The following FAT3 variants were observed in gnomAD, a reference collection of about 807,000 sequenced individuals.
FAT3 encodes the protein FAT atypical cadherin 3.
Under a neutral mutation model 310.2 loss-of-function variants are expected in FAT3, and 95 were observed. That is an observed-to-expected ratio of 0.31 (90% confidence interval 0.26 to 0.36). The LOEUF (loss-of-function observed/expected upper bound fraction) is 0.36. FAT3 is among the 10% of genes least tolerant of loss of function. FAT3 has a pLI of 1.00. For synonymous variants in FAT3, 2,314 were observed against 2,192.9 expected (o/e 1.06, Z -1.54); for missense variants, 5,408 against 5,715.6 (o/e 0.95, Z 1.74).
At chr11:92,623,507 G>A (rs1178553120) in intron 3 of FAT3, among the ~76,000 whole-genome samples, 1 of 152,218 alleles carries the variant, frequency 6.6e-6, no homozygotes, top group Non-Finnish European at 1.5e-5. Context: ...ACTGAAAAGA[G>A]AATGGAAATA....
At chr11:92,584,401 G>A (rs138219745) in intron 3 of FAT3, among the ~76,000 whole-genome samples, 109 of 152,076 alleles carry the variant, frequency 7.2e-4, no homozygotes, top group Non-Finnish European at 1.0e-3. Context: ...GGTTTTCATC[G>A]TACAGAAAGC....
chr11:92,762,362 C>A (rs58068521), intron 5 of FAT3, among the ~76,000 whole-genome samples, 192 bp downstream of exon 5: 4 of 152,114 alleles, frequency 2.6e-5, no homozygotes, highest in African/African-American at 9.7e-5. Flanking sequence ...AATGACGAGA[C>A]AATTTCCTTT....
intron 2 of FAT3, among the ~76,000 whole-genome samples, chr11:92,416,520 C>T (rs370759509): frequency 1.3e-5 from 2 of 152,256 alleles, no homozygotes; most frequent in East Asian, 1.9e-4. Flanking sequence ...GTATTTTACA[C>T]ATTTTTCTCT....
At chr11:92,546,812 G>C (rs1954631833) in intron 3 of FAT3, among the ~76,000 whole-genome samples, 1 of 152,146 alleles carries the variant, frequency 6.6e-6, no homozygotes, top group Admixed American at 6.5e-5. Context: ...CTGAACAGTG[G>C]AAAGATGAAT....
chr11:92,534,121 A>G (rs958008330), intron 3 of FAT3, among the ~76,000 whole-genome samples: 12 of 152,060 alleles, frequency 7.9e-5, no homozygotes, highest in African/African-American at 2.9e-4. Flanking sequence ...ATTGTTAGGG[A>G]GACTCCTAGA....
At chr11:92,682,524 A>C (rs1056872970) in intron 3 of FAT3, among the ~76,000 whole-genome samples, 1 of 152,222 alleles carries the variant, frequency 6.6e-6, no homozygotes. Flanking sequence ...AGCCAACGTA[A>C]TAATCGCTCT....
At chr11:92,235,695 A>T (rs1864389560) in intron 1 of FAT3, among the ~76,000 whole-genome samples, 1 of 152,188 alleles carries the variant, frequency 6.6e-6, no homozygotes, top group Non-Finnish European at 1.5e-5. Context: ...TACTGCAAAG[A>T]TATATTACTT....
At chr11:92,850,793 G>A (rs1047102322) in intron 19 of FAT3, among the ~76,000 whole-genome samples, 2 of 152,190 alleles carry the variant, frequency 1.3e-5, no homozygotes, top group African/African-American at 2.4e-5. Context: ...AGGGGGCTGC[G>A]GGAATGCTGG....
chr11:92,513,599 C>A (rs1176417447), intron 2 of FAT3, among the ~76,000 whole-genome samples: 3 of 152,136 alleles, frequency 2.0e-5, no homozygotes, highest in Non-Finnish European at 4.4e-5. Flanking sequence ...CTATATATTT[C>A]TTTGCACCTT....
At chr11:92,453,159 C>T (rs545445145) in intron 2 of FAT3, among the ~76,000 whole-genome samples, 2 of 152,128 alleles carry the variant, frequency 1.3e-5, no homozygotes, top group African/African-American at 2.4e-5. Flanking sequence ...AAAATAAGTC[C>T]GTATTGAAAG....
chr11:92,700,737 C>A (rs538765873), intron 4 of FAT3, among the ~76,000 whole-genome samples: 1 of 152,270 alleles, frequency 6.6e-6, no homozygotes, highest in South Asian at 2.1e-4. Context: ...TTTAATAAAT[C>A]TGCTAAGGCT....
Position 92,353,943 on chromosome 11 carries a change from G to A in FAT3, c.1831G>A (p.Val611Ile). The A allele has an allele frequency of 6.2e-7, 1 of 1,612,202 alleles. No individual in the cohort carries two copies. Among genetic ancestry groups the A allele is most frequent in the Non-Finnish European group, 8.5e-7 (1 of 1,178,530 alleles). Residue 611 changes from valine to isoleucine, a missense_variant, in exon 2 of 28, where the codon GTA becomes ATA. Val to Ile is a conservative substitution (Grantham distance 29). Around this residue, in one of 5 missense-constraint regions of FAT3, gnomAD observed 4,588 missense variants for 4,809.8 expected, o/e 0.95. Transcript: ENST00000525166. The part of the protein sequence containing the change: ...SAIDIDELEL[V>I]KYKIISGNEL... ...GATCGATATCGATGAACTTGAACTT[G>A]TAAAGTACAAAATCATTTCTGGAAA...
intron 2 of FAT3, among the ~76,000 whole-genome samples, chr11:92,428,429 TA>T (rs891938890): frequency 2.6e-5 from 4 of 152,140 alleles, no homozygotes; most frequent in Non-Finnish European, 5.9e-5. Flanking sequence ...CTAGCTTTTG[TA>T]CTTGTTTGCT....
intron 3 of FAT3, among the ~76,000 whole-genome samples, chr11:92,534,434 A>T (rs1183285482): frequency 6.6e-6 from 1 of 152,216 alleles, no homozygotes; most frequent in African/African-American, 2.4e-5. Flanking sequence ...AACTAAATAA[A>T]TAATTAATGA....
rs904970659 is a variant in FAT3 at position 92,891,212 on chromosome 11, G to A, written c.*99G>A. On this transcript the variant is annotated 3_prime_UTR_variant, in exon 28 of 28. Coordinates refer to ENST00000525166, the MANE Select transcript of FAT3 (RefSeq NM_001367949.2). ...TGGAGCATTGTCTGTGGAATGAGAA[G>A]GGAATACTGTATTTTTCCACTAGAA... 6.9e-7 allele frequency: 1 copy of A among 1,440,694 alleles called. No individual in the cohort carries two copies. The highest frequency in any genetic ancestry group is 9.4e-7 in the Non-Finnish European group (1 of 1,068,098). 89.2% of individuals were successfully genotyped at this position (1,440,694 alleles called of 1,614,324 possible). A position where few individuals can be genotyped will look rare whatever the true frequency, so the allele number is the denominator to read the frequency against.
intron 2 of FAT3, among the ~76,000 whole-genome samples, chr11:92,386,739 G>A (rs1300049697): frequency 6.6e-6 from 1 of 152,174 alleles, no homozygotes; most frequent in Non-Finnish European, 1.5e-5. Context: ...CTCCCCAGGG[G>A]CTGTTTTATT....
rs1404101314 is a variant in FAT3 at position 92,412,730 on chromosome 11, T to TACAC, written c.3292+57327_3292+57328insCACA. On this transcript the variant is annotated intron_variant, in intron 2 of 27. Transcript: ENST00000525166. ...ATATATATATATATATATATATATA[T>TACAC]ATATATATATATATAAATATACATA... 1.9e-3 allele frequency among the ~76,000 whole-genome samples: 43 copies of TACAC among 22,888 alleles called. 6 individuals carry two copies. Among genetic ancestry groups the TACAC allele is most frequent in the South Asian group, 0.012 (6 of 502 alleles). 15.0% of individuals were successfully genotyped at this position (22,888 alleles called of 152,430 possible). A position where few individuals can be genotyped will look rare whatever the true frequency, so the allele number is the denominator to read the frequency against.
intron 13 of FAT3, among the ~76,000 whole-genome samples, chr11:92,825,810 C>T (rs569883785): frequency 6.6e-6 from 1 of 152,114 alleles, no homozygotes; most frequent in South Asian, 2.1e-4. Context: ...AACTCTGCTG[C>T]AGTTTGCAAT....
chr11:92,264,416 T>A (rs1341022261), intron 1 of FAT3, among the ~76,000 whole-genome samples: 2 of 152,188 alleles, frequency 1.3e-5, no homozygotes, highest in South Asian at 2.1e-4. Context: ...TGTATTGAAA[T>A]GGTTAAATTG....
Sources: gnomAD v4.1 joint callset for allele counts (sites outside exome capture counted in the v4.1 genomes callset) on GRCh38, gnomAD v4.1.1 for gene constraint, gnomAD v4.1.1 regional missense constraint, MANE v1.5 for transcripts, NCBI Gene and HGNC (gene_info 2026-07-23, HGNC 2026-07-21) for gene names.